The following HECTD4 variants were observed in gnomAD, a reference collection of about 807,000 sequenced individuals.
HECTD4 encodes the protein HECT domain E3 ubiquitin protein ligase 4, also known as probable E3 ubiquitin-protein ligase HECTD4.
Under a neutral mutation model 471.5 loss-of-function variants are expected in HECTD4, and 114 were observed. The observed-to-expected ratio is 0.24, with a 90% CI of 0.21 to 0.28. The LOEUF (loss-of-function observed/expected upper bound fraction) is 0.28, where lower values mean the gene tolerates loss of function less well. Among genes scored for constraint, HECTD4 ranks in the 10% least tolerant of loss-of-function variants. The pLI is 1.00. For missense variants in HECTD4, 3,866 were observed against 5,651.5 expected, an observed-to-expected ratio of 0.68 and a Z score of 10.13; for synonymous variants, 2,012 against 2,256.0, an observed-to-expected ratio of 0.89 and a Z score of 3.07.
rs772696199 is a variant in HECTD4, at chr12:112,319,189, A to G, written c.695+36T>C. 1.9e-5 allele frequency: 29 copies of G among 1,532,712 alleles called. No individual in the cohort carries two copies. The South Asian group carries it at 3.5e-4, about 18-fold the overall frequency. 94.9% of individuals were successfully genotyped at this position (1,532,712 alleles called of 1,614,324 possible). ...TCACCCAACCCAGGTGGCAGTAGTCACAAGGTCACCAAATGATACATTCGA... is the reference window on the plus strand; with the variant it reads ...TCACCCAACCCAGGTGGCAGTAGTCGCAAGGTCACCAAATGATACATTCGA... On this transcript the variant is annotated intron_variant, in intron 2 of 75. Transcript: ENST00000682272. This position sits in a 1 kb window ranked among gnomAD's most constrained non-coding sequence, Gnocchi z 5.3.
At chr12:112,280,943 ATCACAC>A (rs2034626189) in intron 8 of HECTD4, among the ~76,000 whole-genome samples, 6 of 151,812 alleles carry the variant, frequency 4.0e-5, no homozygotes, top group Admixed American at 3.9e-4. Flanking sequence ...GGAGCCCACC[ATCACAC>A]CCGGCTAATT....
intron 1 of HECTD4, among the ~76,000 whole-genome samples, chr12:112,334,637 CAA>C (rs869292531): frequency 6.0e-4 from 27 of 45,276 alleles, no homozygotes; most frequent in African/African-American, 1.7e-3. Flanking sequence ...ACTAAAAATA[CAA>C]AAAAAAAAAA....
At chr12:112,311,476 T>C (rs1285779729) in intron 4 of HECTD4, among the ~76,000 whole-genome samples, 4 of 150,030 alleles carry the variant, frequency 2.7e-5, no homozygotes, top group African/African-American at 9.8e-5. Context: ...ATAAAGTAAT[T>C]ATCCAGGCAT....
At chr12:112,283,354 AG>A in intron 7 of HECTD4, 52 bp from the exon 8 acceptor site, 2 of 1,400,776 alleles carry the variant, frequency 1.4e-6, no homozygotes, top group Non-Finnish European at 2.0e-6. Context: ...CCATTTAGTT[AG>A]CAAATTTCTA....
At chr12:112,296,940 CTAGGTGCAGATTGTG>C (rs1294383290) in intron 7 of HECTD4, among the ~76,000 whole-genome samples, 1 of 54,560 alleles carries the variant, frequency 1.8e-5, no homozygotes, top group Non-Finnish European at 3.7e-5. Context: ...TGCAGTGGAT[CTAGGTGCAGATTGTG>C]TAGGTGCAGA....
chr12:112,305,686 G>T (rs2035258386), intron 7 of HECTD4, among the ~76,000 whole-genome samples: 1 of 151,762 alleles, frequency 6.6e-6, no homozygotes, highest in African/African-American at 2.4e-5. Context: ...ATATCTAAAA[G>T]GTAAGTGACA....
chr12:112,229,992 G>A, intron 40 of HECTD4, 112 bp from the exon 41 acceptor site: 1 of 970,160 alleles, frequency 1.0e-6, no homozygotes, highest in South Asian at 1.8e-5. Flanking sequence ...AAGGAACTCT[G>A]GACATGTGAG....
intron 1 of HECTD4, among the ~76,000 whole-genome samples, chr12:112,353,053 A>G (rs1329624215): frequency 1.3e-5 from 2 of 152,262 alleles, no homozygotes; most frequent in Non-Finnish European, 2.9e-5. Flanking sequence ...CATCCATAAC[A>G]AAGACTAAGT....
At chr12:112,245,728 T>C (rs1171529923) in intron 29 of HECTD4, among the ~76,000 whole-genome samples, 1 of 152,268 alleles carries the variant, frequency 6.6e-6, no homozygotes, top group Non-Finnish European at 1.5e-5. Flanking sequence ...TTTAACTTTA[T>C]CTCTCAGGTT....
In HECTD4 at chr12:112,229,956, C is replaced by A. The variant is rs1394059520; in HGVS notation, c.6337-76G>T. The stretch of plus-strand genomic sequence containing the variant: ...GATGCCAAGGGTGATAAAGTGTCTA[C>A]AACAGTGCCTGGGTCCCATGTATTG... On this transcript the variant is annotated intron_variant, in intron 40 of 75. Coordinates refer to ENST00000682272, the MANE Select transcript of HECTD4 (RefSeq NM_001388303.1). 21 of 1,358,176 alleles carry A rather than the reference C, an allele frequency of 1.5e-5. No individual in the cohort carries two copies. In the Middle Eastern group the frequency reaches 8.3e-4, roughly 53 times the overall value. The allele number at this position is 1,358,176 out of a possible 1,614,324, so 84.1% of individuals were successfully genotyped here.
In HECTD4 at chr12:112,315,895, TA is replaced by T. The variant is rs570049819; in HGVS notation, c.696-1350del. Among the ~76,000 whole-genome samples, 669 of 93,036 alleles carry T rather than the reference TA, an allele frequency of 7.2e-3. 3 individuals are homozygous for T. The highest frequency in any genetic ancestry group is 0.019 in the African/African-American group (465 of 24,150). 61.0% of individuals were successfully genotyped at this position (93,036 alleles called of 152,430 possible). A position where few individuals can be genotyped will look rare whatever the true frequency, so the allele number is the denominator to read the frequency against. The stretch of plus-strand genomic sequence containing the variant: ...TAGGCAACGGAATGAGACCATGTCT[TA>T]AAAAAAAAAAAAAAAAAAAAAAGAG... On this transcript the variant is annotated intron_variant, in intron 2 of 75. Transcript: ENST00000682272.
intron 21 of HECTD4, among the ~76,000 whole-genome samples, chr12:112,255,304 G>C (rs1593980869): frequency 6.6e-6 from 1 of 152,186 alleles, no homozygotes; most frequent in Non-Finnish European, 1.5e-5. Flanking sequence ...GATGCTAGGA[G>C]AGATATGTTT....
chr12:112,376,269 T>C (rs540710378), intron 1 of HECTD4, among the ~76,000 whole-genome samples: 2 of 152,060 alleles, frequency 1.3e-5, no homozygotes, highest in Admixed American at 1.3e-4. Flanking sequence ...GTTTTGGAGA[T>C]GGAGTCTCAC....
At chr12:112,187,228 A>G (rs761972133) in intron 60 of HECTD4, among the ~76,000 whole-genome samples, 1 of 152,116 alleles carries the variant, frequency 6.6e-6, no homozygotes, top group African/African-American at 2.4e-5. Context: ...ATCTGCCCAC[A>G]GCCTCCCAAA....
In HECTD4 at chr12:112,228,280, G is replaced by C; in HGVS notation, c.6685-22C>G. ...ATGCCTGATGGCGGTGGGGGGGCATGGCAAAAAGTTAAATTCAAGTAGTTA... is the reference window on the plus strand; with the variant it reads ...ATGCCTGATGGCGGTGGGGGGGCATCGCAAAAAGTTAAATTCAAGTAGTTA... On this transcript the variant is annotated intron_variant, in intron 42 of 75. Transcript: ENST00000682272. The surrounding 1 kb of genome is among the most constrained non-coding windows in gnomAD (Gnocchi z 4.9). The C allele has an allele frequency of 6.5e-7, 1 of 1,542,958 alleles. No individual in the cohort carries two copies. The highest frequency in any genetic ancestry group is 8.7e-7 in the Non-Finnish European group (1 of 1,148,560).
rs534354617 is a variant in HECTD4, at chr12:112,177,761, A to G, written c.11364-1059T>C. Among the ~76,000 whole-genome samples, 218 of 152,358 alleles carry G rather than the reference A, an allele frequency of 1.4e-3. 1 individual carries two copies. Among genetic ancestry groups the G allele is most frequent in the Non-Finnish European group, 2.6e-3 (176 of 68,028 alleles). On this transcript the variant is annotated intron_variant, in intron 64 of 75. Transcript: ENST00000682272. ...GATTTCCAAAATTAGTATTAAATAA[A>G]AATGGCAAGGTATGGACATTGTGTA... is the stretch of plus-strand genomic sequence containing the variant.
At chr12:112,315,707 C>A (rs1479316322) in intron 2 of HECTD4, among the ~76,000 whole-genome samples, 1 of 152,008 alleles carries the variant, frequency 6.6e-6, no homozygotes, top group Non-Finnish European at 1.5e-5. Flanking sequence ...TTATTACCTG[C>A]CAGATTCAAT....
chr12:112,319,622 G>A lies in HECTD4; in HGVS notation c.298C>T (p.Leu100=). The A allele has an allele frequency of 2.1e-6, 3 of 1,400,746 alleles. No individual in the cohort carries two copies. Among genetic ancestry groups the A allele is most frequent in the Non-Finnish European group, 2.8e-6 (3 of 1,081,404 alleles). The allele number at this position is 1,400,746 out of a possible 1,614,324, so 86.8% of individuals were successfully genotyped here. ...LEYRLNALRG[L]WNAQRQLALE... is the part of the protein sequence containing the mutation. ...GCCAGCTGGCGCTGGGCATTCCACA[G>A]TCCTCGCAAGGCATTCAGGCGGTAT... The change falls in exon 2 of 76, where the codon CTG becomes TTG. Residue 100 remains leucine, a synonymous_variant. Transcript: ENST00000682272. The surrounding 1 kb of genome is among the most constrained non-coding windows in gnomAD (Gnocchi z 5.3).
At chr12:112,331,718 T>A (rs1054658849) in intron 1 of HECTD4, among the ~76,000 whole-genome samples, 2 of 152,188 alleles carry the variant, frequency 1.3e-5, no homozygotes, top group African/African-American at 4.8e-5. Context: ...AACAAAGACC[T>A]GACTAGATAA....
Sources: allele counts gnomAD v4.1 joint callset (sites outside exome capture counted in the v4.1 genomes callset), GRCh38; gene constraint gnomAD v4.1.1; non-coding constraint Gnocchi (gnomAD v3.1); transcripts MANE v1.5; gene names NCBI Gene and HGNC (gene_info 2026-07-23, HGNC 2026-07-21).